Variants in ARHGEF10L observed in about 807,000 individuals in gnomAD.
The protein encoded by ARHGEF10L is Rho guanine nucleotide exchange factor 10 like, also known as rho guanine nucleotide exchange factor 10-like protein.
A neutral mutation model predicts 141.2 loss-of-function variants in ARHGEF10L; 69 were observed. The ratio of observed to expected loss-of-function variants is 0.49; its 90% confidence interval spans 0.40 to 0.60. The LOEUF is 0.60. ARHGEF10L is among the 20% of genes least tolerant of loss of function. ARHGEF10L has a pLI of 0.00. For missense variants in ARHGEF10L, 1,482 were observed against 1,734.3 expected, an observed-to-expected ratio of 0.85 and a Z score of 2.58; for synonymous variants, 711 against 718.5, an observed-to-expected ratio of 0.99 and a Z score of 0.17.
upstream of ARHGEF10L, among the ~76,000 whole-genome samples, chr1:17,536,428 G>A (rs1482166509): frequency 2.0e-5 from 3 of 152,102 alleles, no homozygotes; most frequent in Non-Finnish European, 4.4e-5. Flanking sequence ...GGTGAGCTGA[G>A]ATCACATCAT....
intron 15 of ARHGEF10L, among the ~76,000 whole-genome samples, chr1:17,631,804 C>G (rs994875427): frequency 6.6e-6 from 1 of 152,204 alleles, no homozygotes; most frequent in Non-Finnish European, 1.5e-5. Flanking sequence ...TGCACTGGAC[C>G]GCAAGAGTCA....
chr1:17,688,575 G>A (rs967483415), intron 27 of ARHGEF10L, among the ~76,000 whole-genome samples: 4 of 152,232 alleles, frequency 2.6e-5, no homozygotes, highest in Non-Finnish European at 5.9e-5. Flanking sequence ...GCCCCAGGCA[G>A]GGCTGGGTTC....
chr1:17,542,190 T>C (rs2076755121), intron 1 of ARHGEF10L, among the ~76,000 whole-genome samples: 1 of 151,884 alleles, frequency 6.6e-6, no homozygotes, highest in Non-Finnish European at 1.5e-5. Flanking sequence ...GGCTCATGCT[T>C]GTAATCCCAG....
At position 17,668,445 on chromosome 1, in the gene ARHGEF10L, C is replaced by A. The variant is rs375411080; in HGVS notation, c.3009+3850C>A. Among the ~76,000 whole-genome samples, 20 of 152,376 alleles carry A rather than the reference C, an allele frequency of 1.3e-4. No homozygotes were observed. In the East Asian group the frequency reaches 1.3e-3, roughly 10 times the overall value. ...CTTGCCAGCCGTAGTGCAGTCAACT[C>A]CCAGCCCACAGAGCTCAGCTCTGGC... On this transcript the variant is annotated intron_variant, in intron 26 of 28. Coordinates refer to ENST00000361221, the MANE Select transcript of ARHGEF10L (RefSeq NM_018125.4).
chr1:17,617,698 G>A (rs1248830155), intron 9 of ARHGEF10L, among the ~76,000 whole-genome samples: 1 of 152,236 alleles, frequency 6.6e-6, no homozygotes, highest in Non-Finnish European at 1.5e-5. Flanking sequence ...TGTCATCCTA[G>A]AAAATTCTGT....
intron 22 of ARHGEF10L, among the ~76,000 whole-genome samples, chr1:17,650,915 A>G (rs1366019652): frequency 6.6e-6 from 1 of 152,114 alleles, no homozygotes; most frequent in African/African-American, 2.4e-5. Flanking sequence ...TAAGATAAAT[A>G]CTATTTTAAT....
At chr1:17,514,156 T>G in the ARHGEF10L span, among the ~76,000 whole-genome samples, 7 of 59,522 alleles carry the variant, frequency 1.2e-4, no homozygotes, top group Non-Finnish European at 2.0e-4. Context: ...TTTTTTTTTT[T>G]GACAGAGTCT....
At chr1:17,575,348 A>G (rs190577168) in intron 1 of ARHGEF10L, among the ~76,000 whole-genome samples, 7 of 152,332 alleles carry the variant, frequency 4.6e-5, no homozygotes, top group East Asian at 1.9e-4. Context: ...AAGCTTCACA[A>G]CTGGAAACCA....
chr1:17,521,121 C>G, the ARHGEF10L span, among the ~76,000 whole-genome samples: 1 of 152,198 alleles, frequency 6.6e-6, no homozygotes, highest in Non-Finnish European at 1.5e-5. Flanking sequence ...TCATCCAGGC[C>G]ATGAACCTCT....
At chr1:17,638,969 G>A (rs1166052240) in intron 20 of ARHGEF10L, among the ~76,000 whole-genome samples, 1 of 152,244 alleles carries the variant, frequency 6.6e-6, no homozygotes, top group East Asian at 1.9e-4. Flanking sequence ...CCATTGGTCA[G>A]TTCCATTTGC....
At chr1:17,529,489 G>A in the ARHGEF10L span, among the ~76,000 whole-genome samples, 1 of 152,238 alleles carries the variant, frequency 6.6e-6, no homozygotes, top group Non-Finnish European at 1.5e-5. Flanking sequence ...CACAGGTGCT[G>A]TGGATGCTAG....
In ARHGEF10L at chr1:17,648,561, G is replaced by A. The variant is rs202159383; in HGVS notation, c.2280G>A (p.Glu760=). 2.4e-5 allele frequency: 38 copies of A among 1,613,704 alleles called. No homozygotes were observed. The highest frequency in any genetic ancestry group is 5.3e-5 in the African/African-American group (4 of 75,030). Residue 760 remains glutamate, a synonymous_variant, in exon 22 of 29, where the codon GAG becomes GAA. Transcript: ENST00000361221. ...LHLAKIGLRE[E]NQPGWLCPDE... is the part of the protein sequence containing the mutation. Reference sequence around the variant, plus strand: ...TCCTTCCTCTTGCTGTAGGGGAGGAGAACCAGCCAGGCTGGCTATGCCCGG... The same window carrying A: ...TCCTTCCTCTTGCTGTAGGGGAGGAAAACCAGCCAGGCTGGCTATGCCCGG...
At chr1:17,612,636 T>A (rs919374952) in intron 7 of ARHGEF10L, among the ~76,000 whole-genome samples, 2 of 152,230 alleles carry the variant, frequency 1.3e-5, no homozygotes, top group African/African-American at 4.8e-5. Context: ...TCCATCCACC[T>A]GCCATCTGTC....
chr1:17,654,005 C>T lies in ARHGEF10L; in HGVS notation c.2395-631C>T, dbSNP rs561910417. Among the ~76,000 whole-genome samples, 1 of 152,356 alleles carries T rather than the reference C, an allele frequency of 6.6e-6. No individual in the cohort carries two copies. Among genetic ancestry groups the T allele is most frequent in the East Asian group, 1.9e-4 (1 of 5,184 alleles). On this transcript the variant is annotated intron_variant, in intron 22 of 28. Transcript: ENST00000361221. The surrounding 1 kb of genome is among the most constrained non-coding windows in gnomAD (Gnocchi z 4.3). The stretch of plus-strand genomic sequence containing the variant: ...TGGTCGGCTGCATCCTCCTTCCAGC[C>T]AAGAGCAGTCTCTACTCTGTCTTCT...
chr1:17,692,636 G>A (rs1176073694), intron 27 of ARHGEF10L, among the ~76,000 whole-genome samples: 1 of 152,100 alleles, frequency 6.6e-6, no homozygotes, highest in Non-Finnish European at 1.5e-5. Context: ...GGGCAGCTGC[G>A]GGAGCCCCTG....
intron 22 of ARHGEF10L, among the ~76,000 whole-genome samples, chr1:17,649,831 G>T (rs934988183): frequency 3.9e-5 from 6 of 152,192 alleles, no homozygotes; most frequent in Non-Finnish European, 7.3e-5. Flanking sequence ...TCAGCCCAGG[G>T]ATGGGAACAA....
rs540151445 is a variant in ARHGEF10L at position 17,658,057 on chromosome 1, G to A, written c.2860+1349G>A. 5.3e-4 allele frequency among the ~76,000 whole-genome samples: 80 copies of A among 152,354 alleles called. 2 individuals are homozygous for A. The South Asian group carries it at 5.6e-3, about 11-fold the overall frequency. ...TGCCCTCAGAAGGCACTAGGGAAGG[G>A]CCTTACTCCCAGCTGCTTCAGGTGT... On this transcript the variant is annotated intron_variant, in intron 25 of 28. Transcript: ENST00000361221.
At position 17,656,683 on chromosome 1, in the gene ARHGEF10L, C is replaced by A. The variant is rs779950602; in HGVS notation, c.2835C>A (p.Thr945=). 3 of 1,613,318 alleles carry A rather than the reference C, an allele frequency of 1.9e-6. No homozygotes were observed. The highest frequency in any genetic ancestry group is 3.3e-5 in the Admixed American group (2 of 60,018). The change falls in exon 25 of 29, where the codon ACC becomes ACA. Residue 945 remains threonine (T), a synonymous_variant. Coordinates refer to ENST00000361221, the MANE Select transcript of ARHGEF10L (RefSeq NM_018125.4). The surrounding 1 kb of genome is among the most constrained non-coding windows in gnomAD (Gnocchi z 4.9). Reference sequence around the variant, plus strand: ...TGCTCGCTGGCCTGCAGGATGGGACCCTTGCTGCTTACCCTCGGACCAGCG... The same window carrying A: ...TGCTCGCTGGCCTGCAGGATGGGACACTTGCTGCTTACCCTCGGACCAGCG... ...FHLLAGLQDG[T]LAAYPRTSGG...
chr1:17,515,349 A>G, the ARHGEF10L span, among the ~76,000 whole-genome samples: 19 of 147,756 alleles, frequency 1.3e-4, no homozygotes, highest in African/African-American at 4.8e-4. Context: ...GCTGGAGTGC[A>G]GTGGTGTGAT....
Sources: allele counts gnomAD v4.1 joint callset (sites outside exome capture counted in the v4.1 genomes callset), GRCh38; gene constraint gnomAD v4.1.1; non-coding constraint Gnocchi (gnomAD v3.1); transcripts MANE v1.5; gene names NCBI Gene and HGNC (gene_info 2026-07-23, HGNC 2026-07-21).